CSMD1: variants seen among roughly 807,000 people sequenced by gnomAD.
The protein encoded by CSMD1 is CUB and Sushi multiple domains 1.
Under a neutral mutation model 417.5 loss-of-function variants are expected in CSMD1, and 213 were observed. That is an observed-to-expected ratio of 0.51 (90% CI 0.46 to 0.57). CSMD1 has a LOEUF of 0.57. Among genes scored for constraint, CSMD1 ranks in the 20% least tolerant of loss-of-function variants. The probability of loss-of-function intolerance (pLI) is 0.00; values close to 1 mark genes in which losing one functional copy is unlikely to be tolerated. For missense variants in CSMD1, 6,923 were observed against 4,529.7 expected (o/e 1.53, Z -15.17); for synonymous variants, 2,862 against 1,736.8 (o/e 1.65, Z -16.11).
chr8:3,322,750 G>A (rs1454994823), intron 23 of CSMD1, among the ~76,000 whole-genome samples: 3 of 152,160 alleles, frequency 2.0e-5, no homozygotes, highest in Non-Finnish European at 2.9e-5. Flanking sequence ...CATATCACGA[G>A]TACCCGTACT....
At chr8:2,943,662 C>G (rs1802037081) in intron 68 of CSMD1, among the ~76,000 whole-genome samples, 1 of 152,176 alleles carries the variant, frequency 6.6e-6, no homozygotes, top group Admixed American at 6.5e-5. Context: ...AAACTCAAAT[C>G]CACAGACCTT....
At chr8:3,585,148 G>A (rs1474499984) in intron 9 of CSMD1, among the ~76,000 whole-genome samples, 2 of 152,124 alleles carry the variant, frequency 1.3e-5, no homozygotes, top group African/African-American at 4.8e-5. Context: ...ATAGGGACCA[G>A]GTACAATACA....
At chr8:4,686,600 C>T (rs555010769) in intron 1 of CSMD1, among the ~76,000 whole-genome samples, 1 of 152,370 alleles carries the variant, frequency 6.6e-6, no homozygotes, top group African/African-American at 2.4e-5. Flanking sequence ...TCCAGTCTCA[C>T]GTCCCGACGT....
At chr8:4,640,296 G>T (rs901027291) in intron 1 of CSMD1, among the ~76,000 whole-genome samples, 7 of 152,194 alleles carry the variant, frequency 4.6e-5, no homozygotes, top group Non-Finnish European at 1.0e-4. Context: ...TGGCTGTCCA[G>T]TGCAAACAAC....
chr8:4,111,199 G>C (rs1222142297), intron 3 of CSMD1, among the ~76,000 whole-genome samples: 1 of 152,018 alleles, frequency 6.6e-6, no homozygotes, highest in East Asian at 1.9e-4. Context: ...GTTGATATTT[G>C]TGTTATGTTT....
intron 10 of CSMD1, among the ~76,000 whole-genome samples, chr8:3,520,436 A>C (rs1797460548): frequency 6.6e-6 from 1 of 152,232 alleles, no homozygotes; most frequent in Non-Finnish European, 1.5e-5. Flanking sequence ...ATATCTTAAA[A>C]ATAAAACAAT....
At chr8:3,993,427 G>C (rs17068449) in intron 5 of CSMD1, among the ~76,000 whole-genome samples, 1 of 152,036 alleles carries the variant, frequency 6.6e-6, no homozygotes, top group Non-Finnish European at 1.5e-5. Context: ...AACACTGGAA[G>C]CATTAACTGA....
At chr8:3,350,837 G>C (rs1808371863) in intron 21 of CSMD1, among the ~76,000 whole-genome samples, 1 of 150,220 alleles carries the variant, frequency 6.7e-6, no homozygotes. Flanking sequence ...ATTAGCCTTT[G>C]GAATCTGGGA....
intron 1 of CSMD1, among the ~76,000 whole-genome samples, chr8:4,714,788 T>A (rs565206318): frequency 1.3e-5 from 2 of 152,194 alleles, no homozygotes; most frequent in Non-Finnish European, 2.9e-5. Context: ...TAGGAAAAAT[T>A]TGGGATTAAA....
At chr8:3,362,121 A>G (rs1809227182) in intron 20 of CSMD1, among the ~76,000 whole-genome samples, 1 of 152,144 alleles carries the variant, frequency 6.6e-6, no homozygotes, top group Non-Finnish European at 1.5e-5. Flanking sequence ...TATGCGTTAC[A>G]CGGTCAATCT....
intron 3 of CSMD1, among the ~76,000 whole-genome samples, chr8:4,132,030 C>T (rs566675623): frequency 2.6e-5 from 4 of 151,902 alleles, no homozygotes; most frequent in Non-Finnish European, 4.4e-5. Context: ...TATCAGAATC[C>T]CTTCTTGATG....
chr8:3,043,964 C>G (rs977063084), intron 50 of CSMD1, among the ~76,000 whole-genome samples: 1 of 152,102 alleles, frequency 6.6e-6, no homozygotes, highest in Non-Finnish European at 1.5e-5. Context: ...TTGGAAAGAG[C>G]TGCAAACACT....
At chr8:3,098,182 A>G (rs926894359) in intron 46 of CSMD1, among the ~76,000 whole-genome samples, 1 of 152,196 alleles carries the variant, frequency 6.6e-6, no homozygotes, top group African/African-American at 2.4e-5. Context: ...TATCAAAATT[A>G]CTTGTAGAGT....
At chr8:4,173,680 G>A (rs1283708411) in intron 3 of CSMD1, among the ~76,000 whole-genome samples, 1 of 152,016 alleles carries the variant, frequency 6.6e-6, no homozygotes, top group Non-Finnish European at 1.5e-5. Flanking sequence ...AACTGTAGTA[G>A]GAAAATTTCT....
At chr8:3,125,406 A>G (rs550267760) in intron 41 of CSMD1, among the ~76,000 whole-genome samples, 4 of 152,238 alleles carry the variant, frequency 2.6e-5, no homozygotes, top group Non-Finnish European at 5.9e-5. Context: ...TCATAAAAGC[A>G]TTCACCCTCA....
chr8:3,842,376 T>C (rs967011497), intron 5 of CSMD1, among the ~76,000 whole-genome samples: 1 of 149,988 alleles, frequency 6.7e-6, no homozygotes, highest in Non-Finnish European at 1.5e-5. Context: ...TAATGTATAC[T>C]TAAACAAAAA....
At chr8:3,644,965 T>TTAAAAA (rs1797501015) in intron 7 of CSMD1, among the ~76,000 whole-genome samples, 1 of 28,804 alleles carries the variant, frequency 3.5e-5, no homozygotes, top group African/African-American at 2.3e-4. Context: ...AGGCTTTAAA[T>TTAAAAA]GAAAAAAAAA....
At chr8:3,789,356 G>C (rs1384189494) in intron 5 of CSMD1, among the ~76,000 whole-genome samples, 2 of 144,452 alleles carry the variant, frequency 1.4e-5, no homozygotes, top group African/African-American at 2.6e-5. Context: ...ACTTGTGTCT[G>C]CTTGTATTGC....
intron 3 of CSMD1, among the ~76,000 whole-genome samples, chr8:4,299,996 A>G (rs1797893698): frequency 1.3e-5 from 2 of 152,216 alleles, no homozygotes; most frequent in South Asian, 2.1e-4. Flanking sequence ...TGTCCTTTGT[A>G]GAAAGCATAA....
Sources: allele counts gnomAD v4.1 joint callset (sites outside exome capture counted in the v4.1 genomes callset), GRCh38; gene constraint gnomAD v4.1.1; transcripts MANE v1.5; gene names NCBI Gene and HGNC (gene_info 2026-07-23, HGNC 2026-07-21).